The following LRP6 variants were observed in gnomAD, a reference collection of about 807,000 sequenced individuals.
LRP6 encodes the protein LDL receptor related protein 6, also known as low-density lipoprotein receptor-related protein 6.
In LRP6, 43 loss-of-function variants were observed where a neutral mutation model predicts 184.1. That is an observed-to-expected ratio of 0.23 (90% CI 0.18 to 0.30). The LOEUF (loss-of-function observed/expected upper bound fraction) is 0.30. Ranked by LOEUF, LRP6 falls within the 10% of genes least tolerant of loss-of-function variation. The pLI, the probability that LRP6 is intolerant of heterozygous loss-of-function variation, is 1.00. For synonymous variants in LRP6, 719 were observed against 684.9 expected (o/e 1.05, Z -0.78); for missense variants, 1,571 against 2,005.3 (o/e 0.78, Z 4.14).
In LRP6 at chr12:12,120,347, G is replaced by C. The variant is rs1388525323; in HGVS notation, c.*779C>G. ...CAATGCTTCAGCTTAAAAAAATCAT[G>C]GTATCTTAGCAAAATGACTTACCAA... On this transcript the variant is annotated 3_prime_UTR_variant, in exon 23 of 23. Transcript: ENST00000261349. 1 of 151,874 alleles carries C rather than the reference G, an allele frequency of 6.6e-6. No homozygotes were observed. The highest frequency in any genetic ancestry group is 1.5e-5 in the Non-Finnish European group (1 of 67,956). 9.4% of individuals were successfully genotyped at this position (151,874 alleles called of 1,614,324 possible). A position where few individuals can be genotyped will look rare whatever the true frequency, so the allele number is the denominator to read the frequency against.
chr12:12,142,725 T>C lies in LRP6; in HGVS notation c.3398-4191A>G, dbSNP rs139348290. Among the ~76,000 whole-genome samples, 1,190 of 152,072 alleles carry C rather than the reference T, an allele frequency of 7.8e-3. 14 individuals carry two copies. The highest frequency in any genetic ancestry group is 0.027 in the African/African-American group (1,133 of 41,496). On this transcript the variant is annotated intron_variant, in intron 15 of 22. Coordinates refer to ENST00000261349, the MANE Select transcript of LRP6 (RefSeq NM_002336.3). Reference sequence around the variant, plus strand: ...TAGATTAAAAAAAATCTCAAAACATTAGCAAATCAAATCCAGCAATAAAAA... The same window carrying C: ...TAGATTAAAAAAAATCTCAAAACATCAGCAAATCAAATCCAGCAATAAAAA...
chr12:12,144,917 G>GT (rs1949981456), intron 15 of LRP6, among the ~76,000 whole-genome samples: 1 of 148,648 alleles, frequency 6.7e-6, no homozygotes, highest in Non-Finnish European at 1.5e-5. Context: ...CTGTCGGGGG[G>GT]TGGGGGGCTA....
chr12:12,158,635 T>G (rs1183752701), intron 12 of LRP6, among the ~76,000 whole-genome samples, 194 bp downstream of exon 12: 3 of 152,142 alleles, frequency 2.0e-5, no homozygotes, highest in African/African-American at 7.2e-5. Flanking sequence ...AGACTTAATT[T>G]TTCTATAACA....
chr12:12,148,664 AG>A (rs1453919912), intron 14 of LRP6, among the ~76,000 whole-genome samples: 1 of 152,048 alleles, frequency 6.6e-6, no homozygotes, highest in Non-Finnish European at 1.5e-5. Flanking sequence ...AGGTAGATCG[AG>A]GAAAACTTCC....
At chr12:12,135,488 T>C (rs1949825722) in intron 16 of LRP6, among the ~76,000 whole-genome samples, 188 bp from the exon 17 acceptor site, 1 of 140,224 alleles carries the variant, frequency 7.1e-6, no homozygotes, top group Non-Finnish European at 1.5e-5. Flanking sequence ...TCATTATTAT[T>C]ATTATTATTA....
At chr12:12,174,351 A>T (rs889413660) in intron 7 of LRP6, among the ~76,000 whole-genome samples, 14 of 152,158 alleles carry the variant, frequency 9.2e-5, no homozygotes, top group Non-Finnish European at 1.8e-4. Context: ...GCCTCCAGTG[A>T]TCAGCACACC....
Position 12,176,879 on chromosome 12 carries a change from T to G in LRP6, c.1545+2931A>C, listed in dbSNP as rs58599483. Among the ~76,000 whole-genome samples the G allele has an allele frequency of 7.7e-3, 1,163 of 151,024 alleles. 10 individuals are homozygous for G. Among genetic ancestry groups the G allele is most frequent in the African/African-American group, 0.027 (1,097 of 40,976 alleles). On this transcript the variant is annotated intron_variant, in intron 7 of 22. Transcript: ENST00000261349. ...TTTTTTTTTTTTAGACAGAGTCTTG[T>G]TCTTGTCCCCCAGGCTGGAATGCAA...
chr12:12,256,631 AC>A (rs1298295049), intron 1 of LRP6, among the ~76,000 whole-genome samples: 2 of 151,964 alleles, frequency 1.3e-5, no homozygotes, highest in Admixed American at 6.6e-5. Context: ...ACATAGCCAA[AC>A]CCCCTCTCTA....
At chr12:12,162,172 T>C in intron 10 of LRP6, 21 bp downstream of exon 10, 2 of 1,593,552 alleles carry the variant, frequency 1.3e-6, no homozygotes, top group Non-Finnish European at 1.7e-6. Flanking sequence ...TTGCAAAGAA[T>C]GCACATGTAA....
intron 7 of LRP6, among the ~76,000 whole-genome samples, chr12:12,165,762 T>C (rs896503145): frequency 6.6e-6 from 1 of 152,208 alleles, no homozygotes; most frequent in South Asian, 2.1e-4. Context: ...TTGATGTCTT[T>C]TTCAGGACTT....
Position 12,165,811 on chromosome 12 carries a change from A to C in LRP6, c.1546-516T>G, listed in dbSNP as rs61099239. 7.7e-3 allele frequency among the ~76,000 whole-genome samples: 1,170 copies of C among 152,236 alleles called. 11 individuals carry two copies. The highest frequency in any genetic ancestry group is 0.027 in the African/African-American group (1,116 of 41,524). ...TGCTTTTTATTTTGTTGTTGTTGTC[A>C]GTAACAACAAAAAACAGATAAAAGG... On this transcript the variant is annotated intron_variant, in intron 7 of 22. Transcript: ENST00000261349.
At chr12:12,143,986 A>C (rs186180623) in intron 15 of LRP6, among the ~76,000 whole-genome samples, 82 of 152,342 alleles carry the variant, frequency 5.4e-4, no homozygotes, top group African/African-American at 1.9e-3. Context: ...CTCAACTCCC[A>C]TGAAGATTTC....
chr12:12,165,678 T>A (rs947157665), intron 7 of LRP6, among the ~76,000 whole-genome samples: 2 of 152,238 alleles, frequency 1.3e-5, no homozygotes, highest in African/African-American at 4.8e-5. Context: ...TTTTATAACA[T>A]CTTTTATTTT....
intron 12 of LRP6, 132 bp downstream of exon 12, chr12:12,158,697 T>C (rs929340012): frequency 8.3e-6 from 7 of 844,270 alleles, no homozygotes; most frequent in Non-Finnish European, 1.3e-5. Context: ...TGCATTCCCC[T>C]ACCCTTTAAC....
intron 2 of LRP6, among the ~76,000 whole-genome samples, chr12:12,233,322 G>A (rs1864840614): frequency 6.6e-6 from 1 of 152,016 alleles, no homozygotes; most frequent in Non-Finnish European, 1.5e-5. Context: ...AAAAAAATTA[G>A]CCGGGCATGG....
Position 12,121,194 on chromosome 12 carries a change from A to G in LRP6, c.4774T>C (p.Tyr1592His). The G allele has an allele frequency of 6.2e-7, 1 of 1,614,106 alleles. No individual in the cohort carries two copies. Among genetic ancestry groups the G allele is most frequent in the South Asian group, 1.1e-5 (1 of 91,076 alleles). Residue 1592 changes from tyrosine (Y) to histidine (H), a missense_variant, in exon 23 of 23, where the codon TAC becomes CAC. Physicochemically the swap from Tyr to His is moderately conservative, Grantham distance 83 (BLOSUM62 2). Transcript: ENST00000261349. Reference sequence around the variant, plus strand: ...TGATGAGAATAGCTCCTCTCTGTGTATGGAGAAGGTGGGCAGCTTTCATAG... The same window carrying G: ...TGATGAGAATAGCTCCTCTCTGTGTGTGGAGAAGGTGGGCAGCTTTCATAG... ...ENYESCPPSP[Y>H]TERSYSHHLY...
rs1390187975 is a variant in LRP6 at position 12,120,013 on chromosome 12, AT to A, written c.*1112del. ...AAAATATATATATATATATATATAT[AT>A]ATATATATATATATATATATATATA... On this transcript the variant is annotated 3_prime_UTR_variant, in exon 23 of 23. Transcript: ENST00000261349. 2 of 104,088 alleles carry A rather than the reference AT, an allele frequency of 1.9e-5. No homozygotes were observed. The highest frequency in any genetic ancestry group is 6.7e-5 in the African/African-American group (2 of 29,798). The allele number at this position is 104,088 out of a possible 1,614,324, so 6.4% of individuals were successfully genotyped here. A position where few individuals can be genotyped will look rare whatever the true frequency, so the allele number is the denominator to read the frequency against.
rs1402453033 is a variant in LRP6 at position 12,116,857 on chromosome 12, C to T, written c.*4269G>A. ...GAGGGTAGAGTCAGTAACTGATTAA[C>T]CTAAGACTCCACCTTCCACTCCACT... On this transcript the variant is annotated 3_prime_UTR_variant, in exon 23 of 23. Coordinates refer to ENST00000261349, the MANE Select transcript of LRP6 (RefSeq NM_002336.3). 2 of 152,076 alleles carry T rather than the reference C, an allele frequency of 1.3e-5. No individual in the cohort carries two copies. The highest frequency in any genetic ancestry group is 2.9e-5 in the Non-Finnish European group (2 of 68,008). The allele number at this position is 152,076 out of a possible 1,614,324, so 9.4% of individuals were successfully genotyped here. A position where few individuals can be genotyped will look rare whatever the true frequency, so the allele number is the denominator to read the frequency against.
intron 4 of LRP6, 122 bp from the exon 5 acceptor site, chr12:12,184,233 C>CATT: frequency 1.3e-6 from 1 of 776,390 alleles, no homozygotes; most frequent in Non-Finnish European, 2.3e-6. Flanking sequence ...AGGTGCTTGA[C>CATT]TATCAAACCA....
Sources: gnomAD v4.1 joint callset for allele counts (sites outside exome capture counted in the v4.1 genomes callset) on GRCh38, gnomAD v4.1.1 for gene constraint, MANE v1.5 for transcripts, NCBI Gene and HGNC (gene_info 2026-07-23, HGNC 2026-07-21) for gene names.